EPB41L4A: variants seen among roughly 807,000 people sequenced by gnomAD.
EPB41L4A encodes erythrocyte membrane protein band 4.1 like 4A.
In EPB41L4A, 100 loss-of-function variants were observed where a neutral mutation model predicts 108.6. That is an observed-to-expected ratio of 0.92 (90% CI 0.78 to 1.09). EPB41L4A has a LOEUF of 1.09. EPB41L4A is among the 50% of genes least tolerant of loss of function. The pLI is 0.00. For synonymous variants in EPB41L4A, 319 were observed against 289.0 expected, an observed-to-expected ratio of 1.10 and a Z score of -1.05; for missense variants, 1,030 against 842.7, an observed-to-expected ratio of 1.22 and a Z score of -2.75.
intron 17 of EPB41L4A, among the ~76,000 whole-genome samples, chr5:112,190,246 A>G (rs1311312597): frequency 1.3e-5 from 2 of 152,146 alleles, no homozygotes; most frequent in African/African-American, 4.8e-5. Context: ...TGAAACACCA[A>G]TTTCATTTCC....
intron 2 of EPB41L4A, among the ~76,000 whole-genome samples, chr5:112,283,668 A>G (rs1458189905): frequency 6.6e-6 from 1 of 152,170 alleles, no homozygotes; most frequent in East Asian, 1.9e-4. Flanking sequence ...TTCATCACTT[A>G]TGGATATCCA....
At chr5:112,225,418 T>C (rs746371753) in intron 12 of EPB41L4A, among the ~76,000 whole-genome samples, 18 of 152,208 alleles carry the variant, frequency 1.2e-4, no homozygotes, top group South Asian at 8.3e-4. Flanking sequence ...TAAATCACAA[T>C]GATCTAGGGT....
At chr5:112,350,833 T>C (rs1280161514) in intron 1 of EPB41L4A, among the ~76,000 whole-genome samples, 1 of 152,162 alleles carries the variant, frequency 6.6e-6, no homozygotes, top group East Asian at 1.9e-4. Context: ...TAGTATTCTA[T>C]TGTTTATACA....
chr5:112,287,763 C>G (rs897048171), intron 2 of EPB41L4A, among the ~76,000 whole-genome samples: 1 of 151,970 alleles, frequency 6.6e-6, no homozygotes. Flanking sequence ...CTCTAAGAGC[C>G]TCAATTAAAG....
chr5:112,357,144 G>C (rs1250415661), intron 1 of EPB41L4A, among the ~76,000 whole-genome samples: 2 of 152,170 alleles, frequency 1.3e-5, no homozygotes, highest in African/African-American at 4.8e-5. Flanking sequence ...ACAAGATCCA[G>C]AGAATCACAG....
At chr5:112,183,899 GA>G in intron 18 of EPB41L4A, 116 bp downstream of exon 18, 4 of 1,273,122 alleles carry the variant, frequency 3.1e-6, no homozygotes, top group Non-Finnish European at 4.3e-6. Flanking sequence ...AGGTAAATAT[GA>G]CAAATAAACA....
intron 1 of EPB41L4A, among the ~76,000 whole-genome samples, chr5:112,414,048 G>A (rs1762564708): frequency 6.6e-6 from 1 of 152,168 alleles, no homozygotes; most frequent in African/African-American, 2.4e-5. Flanking sequence ...TTACAGATGG[G>A]GAAACTGAAA....
At chr5:112,143,943 C>T (rs1480002188) in intron 13 of EPB41L4A, 2 of 439,780 alleles carry the variant, frequency 4.5e-6, no homozygotes, top group Non-Finnish European at 9.2e-6. Flanking sequence ...TACCAGAAGC[C>T]TGGAATAATA....
At chr5:112,239,560 A>G (rs1282908356) in intron 11 of EPB41L4A, 100 bp downstream of exon 11, 2 of 707,800 alleles carry the variant, frequency 2.8e-6, no homozygotes, top group Non-Finnish European at 4.3e-6. Flanking sequence ...ATGCAAGAAA[A>G]AAGAAAAAAA....
At chr5:112,330,083 C>T (rs548011595) in intron 1 of EPB41L4A, among the ~76,000 whole-genome samples, 4 of 151,852 alleles carry the variant, frequency 2.6e-5, no homozygotes, top group African/African-American at 9.7e-5. Context: ...ATACTTTATA[C>T]TTTTAAAGTA....
chr5:112,379,088 C>T (rs979975912), intron 1 of EPB41L4A, among the ~76,000 whole-genome samples: 5 of 152,130 alleles, frequency 3.3e-5, no homozygotes, highest in Non-Finnish European at 7.4e-5. Flanking sequence ...CAAATCAGTG[C>T]ATTCTCTCAG....
At chr5:112,187,256 A>T (rs1339975460) in intron 17 of EPB41L4A, among the ~76,000 whole-genome samples, 1 of 152,230 alleles carries the variant, frequency 6.6e-6, no homozygotes, top group Non-Finnish European at 1.5e-5. Flanking sequence ...ATTTATTTCC[A>T]GTACTAATTG....
intron 1 of EPB41L4A, among the ~76,000 whole-genome samples, chr5:112,359,707 A>T (rs1758593905): frequency 6.6e-6 from 1 of 151,882 alleles, no homozygotes; most frequent in Admixed American, 6.6e-5. Context: ...CGCCCAGCTA[A>T]TTTTTTGTAT....
intron 2 of EPB41L4A, among the ~76,000 whole-genome samples, chr5:112,303,896 G>A (rs1754533879): frequency 1.3e-5 from 2 of 152,078 alleles, no homozygotes. Context: ...GGGAACGGGA[G>A]GTTCTAAATG....
chr5:112,256,500 T>C (rs116653802), intron 9 of EPB41L4A, among the ~76,000 whole-genome samples: 5 of 152,072 alleles, frequency 3.3e-5, no homozygotes, highest in Admixed American at 3.3e-4. Context: ...AACGACTAGA[T>C]ATGAGATAAA....
At chr5:112,356,078 T>C (rs892707451) in intron 1 of EPB41L4A, among the ~76,000 whole-genome samples, 3 of 152,180 alleles carry the variant, frequency 2.0e-5, no homozygotes, top group Non-Finnish European at 2.9e-5. Flanking sequence ...ATAACTTATG[T>C]TAAATTTTGG....
At chr5:112,291,057 T>C (rs1239890727) in intron 2 of EPB41L4A, among the ~76,000 whole-genome samples, 1 of 152,204 alleles carries the variant, frequency 6.6e-6, no homozygotes, top group Non-Finnish European at 1.5e-5. Context: ...ACTCCCCTAA[T>C]GTCTCTGGGA....
intron 1 of EPB41L4A, among the ~76,000 whole-genome samples, chr5:112,391,704 A>G (rs2112675295): frequency 6.6e-6 from 1 of 152,306 alleles, no homozygotes; most frequent in East Asian, 1.9e-4. Context: ...AGGCAGGTCA[A>G]CATTCAAATT....
chr5:112,260,870 C>A (rs2150440690), intron 7 of EPB41L4A, among the ~76,000 whole-genome samples: 1 of 152,272 alleles, frequency 6.6e-6, no homozygotes, highest in East Asian at 1.9e-4. Flanking sequence ...TGCCAATGCC[C>A]ACTTTCAGTT....
Sources: allele counts gnomAD v4.1 joint callset (sites outside exome capture counted in the v4.1 genomes callset), GRCh38; gene constraint gnomAD v4.1.1; transcripts MANE v1.5; gene names NCBI Gene and HGNC (gene_info 2026-07-23, HGNC 2026-07-21).